The following PRKCB variants were observed in gnomAD, a reference collection of about 807,000 sequenced individuals.
The protein encoded by PRKCB is protein kinase C beta.
Under a neutral mutation model 81.5 loss-of-function variants are expected in PRKCB, and 13 were observed. The ratio of observed to expected loss-of-function variants is 0.16; its 90% CI spans 0.10 to 0.25. The LOEUF is 0.25. Among genes scored for constraint, PRKCB ranks in the 10% least tolerant of loss-of-function variants. PRKCB has a pLI of 1.00. For synonymous variants in PRKCB, 335 were observed against 321.4 expected, an observed-to-expected ratio of 1.04 and a Z score of -0.45; for missense variants, 509 against 875.7, an observed-to-expected ratio of 0.58 and a Z score of 5.29.
Position 23,861,263 on chromosome 16 carries a change from G to A in PRKCB, c.205+23857G>A, listed in dbSNP as rs1194404850. On this transcript the variant is annotated intron_variant, in intron 2 of 16. Transcript: ENST00000643927. ...AGCTCACTGCAGCCTCAACCTCCCAGGCTCAAGCAAACCTCCCACTTCAGC... is the reference window on the plus strand; with the variant it reads ...AGCTCACTGCAGCCTCAACCTCCCAAGCTCAAGCAAACCTCCCACTTCAGC... Among the ~76,000 whole-genome samples the A allele has an allele frequency of 2.0e-5, 3 of 151,812 alleles. No individual in the cohort carries two copies. In the East Asian group the frequency reaches 5.8e-4, roughly 29 times the overall value.
intron 2 of PRKCB, among the ~76,000 whole-genome samples, chr16:23,880,654 A>G (rs906058386): frequency 1.3e-5 from 2 of 151,702 alleles, no homozygotes; most frequent in African/African-American, 4.9e-5. Flanking sequence ...TTTCTCTGGG[A>G]TCCCCTAGGG....
At chr16:23,957,841 C>T (rs1407678471) in intron 2 of PRKCB, among the ~76,000 whole-genome samples, 1 of 152,106 alleles carries the variant, frequency 6.6e-6, no homozygotes, top group Non-Finnish European at 1.5e-5. Flanking sequence ...AAGGGTATGC[C>T]TTCAAATACC....
At chr16:24,118,910 A>T (rs1966765466) in intron 8 of PRKCB, among the ~76,000 whole-genome samples, 1 of 152,120 alleles carries the variant, frequency 6.6e-6, no homozygotes, top group African/African-American at 2.4e-5. Flanking sequence ...CTGAAGGCTC[A>T]CTGAGTAGGG....
At chr16:23,870,289 C>G (rs774028955) in intron 2 of PRKCB, among the ~76,000 whole-genome samples, 7 of 152,196 alleles carry the variant, frequency 4.6e-5, no homozygotes, top group Non-Finnish European at 1.0e-4. Context: ...AAAATTCTTT[C>G]AGATATCACC....
intron 2 of PRKCB, among the ~76,000 whole-genome samples, chr16:23,929,900 T>C (rs1179202668): frequency 1.3e-5 from 2 of 151,922 alleles, no homozygotes; most frequent in East Asian, 3.9e-4. Context: ...AGGAGAGAAT[T>C]GATGAGATGG....
chr16:24,051,531 G>C (rs1009236385), intron 5 of PRKCB, among the ~76,000 whole-genome samples: 1 of 152,142 alleles, frequency 6.6e-6, no homozygotes, highest in Admixed American at 6.5e-5. Context: ...CCCTGGGACA[G>C]ACAGTTTCTC....
At chr16:23,965,580 A>G (rs957132041) in intron 2 of PRKCB, among the ~76,000 whole-genome samples, 8 of 152,274 alleles carry the variant, frequency 5.3e-5, no homozygotes, top group African/African-American at 1.7e-4. Context: ...ATGAACAAAT[A>G]TGAAAATTAG....
rs561594289 is a variant in PRKCB, at chr16:24,035,617, C to T, written c.529+70C>T. The stretch of plus-strand genomic sequence containing the variant: ...TGTGTGATTGAGAAGGGGAGGGTGG[C>T]GGAGGGGTGGGGCAGTCCAGTGGAG... On this transcript the variant is annotated intron_variant, in intron 5 of 16. Transcript: ENST00000643927. 246 of 179,684 alleles carry T rather than the reference C, an allele frequency of 1.4e-3. No homozygotes were observed. In the African/African-American group the frequency reaches 0.026, roughly 19 times the overall value. 11.1% of individuals were successfully genotyped at this position (179,684 alleles called of 1,614,324 possible). A position where few individuals can be genotyped will look rare whatever the true frequency, so the allele number is the denominator to read the frequency against.
At chr16:24,199,805 A>T (rs1967930156) in intron 16 of PRKCB, among the ~76,000 whole-genome samples, 1 of 152,198 alleles carries the variant, frequency 6.6e-6, no homozygotes, top group Non-Finnish European at 1.5e-5. Context: ...CATTTGCCCA[A>T]GGTCCAGCAA....
chr16:23,938,488 T>A (rs1258705262), intron 2 of PRKCB, among the ~76,000 whole-genome samples: 2 of 152,234 alleles, frequency 1.3e-5, no homozygotes, highest in Non-Finnish European at 2.9e-5. Flanking sequence ...ATAATTGTTA[T>A]AAGTCTCCAA....
chr16:24,202,486 C>CT (rs1455359396), intron 16 of PRKCB, among the ~76,000 whole-genome samples: 1 of 152,134 alleles, frequency 6.6e-6, no homozygotes, highest in Non-Finnish European at 1.5e-5. Flanking sequence ...ATCCTTTCTC[C>CT]TTTAAAAAAA....
chr16:24,064,593 G>A (rs868123052), intron 5 of PRKCB, among the ~76,000 whole-genome samples: 10 of 151,954 alleles, frequency 6.6e-5, no homozygotes, highest in African/African-American at 2.2e-4. Flanking sequence ...AATTAGTTTC[G>A]TTAGTTGTGT....
intron 5 of PRKCB, among the ~76,000 whole-genome samples, chr16:24,073,869 G>A (rs1292134974): frequency 2.0e-5 from 3 of 152,156 alleles, no homozygotes; most frequent in African/African-American, 7.2e-5. Context: ...ATGGCCGGGC[G>A]TGGTGGCTCA....
intron 12 of PRKCB, among the ~76,000 whole-genome samples, chr16:24,179,089 A>G (rs1177464314): frequency 1.3e-5 from 2 of 152,204 alleles, no homozygotes; most frequent in East Asian, 1.9e-4. Flanking sequence ...AACAACCCCA[A>G]TGTAAAATGC....
chr16:24,173,790 C>T (rs1967484543), intron 11 of PRKCB, among the ~76,000 whole-genome samples: 1 of 152,184 alleles, frequency 6.6e-6, no homozygotes, highest in Admixed American at 6.5e-5. Flanking sequence ...CTGCGCCATT[C>T]ATTCACTATA....
chr16:23,881,920 G>A (rs1963114321), intron 2 of PRKCB, among the ~76,000 whole-genome samples: 1 of 151,208 alleles, frequency 6.6e-6, no homozygotes, highest in Non-Finnish European at 1.5e-5. Context: ...GTGGACTCTT[G>A]CAGTATTTGT....
chr16:24,071,027 C>T (rs1051804536), intron 5 of PRKCB, among the ~76,000 whole-genome samples: 4 of 152,062 alleles, frequency 2.6e-5, no homozygotes, highest in Non-Finnish European at 4.4e-5. Flanking sequence ...GGGAGGGAAC[C>T]ATCTGGACAA....
intron 2 of PRKCB, among the ~76,000 whole-genome samples, chr16:23,855,307 A>G (rs1567290975): frequency 6.6e-6 from 1 of 152,182 alleles, no homozygotes; most frequent in Non-Finnish European, 1.5e-5. Context: ...TTCCTCCCCA[A>G]TCACATGTGG....
intron 2 of PRKCB, among the ~76,000 whole-genome samples, chr16:23,904,659 T>C (rs915439014): frequency 8.5e-5 from 13 of 152,230 alleles, no homozygotes; most frequent in Admixed American, 3.3e-4. Flanking sequence ...CGAGTCTTCA[T>C]CTCAAAAGAA....
Sources: gnomAD v4.1 joint callset for allele counts (sites outside exome capture counted in the v4.1 genomes callset) on GRCh38, gnomAD v4.1.1 for gene constraint, MANE v1.5 for transcripts, NCBI Gene and HGNC (gene_info 2026-07-23, HGNC 2026-07-21) for gene names.